The following VPS13C variants were observed in gnomAD, a reference collection of about 807,000 sequenced individuals.
VPS13C encodes the protein vacuolar protein sorting 13 homolog C.
A neutral mutation model predicts 456.8 loss-of-function variants in VPS13C; 358 were observed. That is an observed-to-expected ratio of 0.78 (90% CI 0.72 to 0.86). The LOEUF (loss-of-function observed/expected upper bound fraction) is 0.86. Ranked by LOEUF, VPS13C falls within the 40% of genes least tolerant of loss-of-function variation. VPS13C has a pLI of 0.00. For synonymous variants in VPS13C, 1,578 were observed against 1,486.7 expected (o/e 1.06, Z -1.41); for missense variants, 4,818 against 4,385.4 (o/e 1.10, Z -2.79).
At chr15:62,000,312 C>T (rs932490497) in intron 16 of VPS13C, among the ~76,000 whole-genome samples, 7 of 152,160 alleles carry the variant, frequency 4.6e-5, no homozygotes, top group East Asian at 1.9e-4. Context: ...CTGCAGCGAG[C>T]CAAGATCACG....
In VPS13C at chr15:62,013,223, C is replaced by T. The variant is rs974513532; in HGVS notation, c.745-104G>A. 4 of 671,624 alleles carry T rather than the reference C, an allele frequency of 6.0e-6. No individual in the cohort carries two copies. In the Admixed American group the frequency reaches 1.4e-4, roughly 24 times the overall value. 41.6% of individuals were successfully genotyped at this position (671,624 alleles called of 1,614,324 possible). A position where few individuals can be genotyped will look rare whatever the true frequency, so the allele number is the denominator to read the frequency against. ...TCACCACTCCAAAATTACCCAAATGCCATTTTGAATTTTTAAAGGAAAGAA... is the reference window on the plus strand; with the variant it reads ...TCACCACTCCAAAATTACCCAAATGTCATTTTGAATTTTTAAAGGAAAGAA... On this transcript the variant is annotated intron_variant, in intron 10 of 84. Transcript: ENST00000644861.
intron 66 of VPS13C, among the ~76,000 whole-genome samples, chr15:61,900,809 C>G (rs1390141505): frequency 6.6e-6 from 1 of 151,796 alleles, no homozygotes; most frequent in Non-Finnish European, 1.5e-5. Context: ...CAAGTCAATC[C>G]TAAGCCAAAA....
intron 43 of VPS13C, 81 bp downstream of exon 43, chr15:61,947,112 G>C (rs1037591672): frequency 1.1e-6 from 1 of 897,136 alleles, no homozygotes; most frequent in Non-Finnish European, 1.7e-6. Context: ...GAAAACTCAT[G>C]AGAAATCTAA....
chr15:61,947,142 C>A (rs1318665275), intron 43 of VPS13C, 51 bp downstream of exon 43: 6 of 1,217,174 alleles, frequency 4.9e-6, no homozygotes, highest in Non-Finnish European at 6.9e-6. Flanking sequence ...GCTCATTTTT[C>A]CTAGTTATGT....
rs559152214 is a variant in VPS13C, at chr15:61,922,380, A to C, written c.6975+17T>G. 18 of 1,596,836 alleles carry C rather than the reference A, an allele frequency of 1.1e-5. No individual in the cohort carries two copies. Among genetic ancestry groups the C allele is most frequent in the East Asian group, 6.7e-5 (3 of 44,782 alleles). On this transcript the variant is annotated intron_variant, in intron 54 of 84. Transcript: ENST00000644861. ...CTTTCAAGAAGTCTCTGAAGGTATT[A>C]AGTGATGTGGCCATACCTGTAGTGT...
intron 37 of VPS13C, among the ~76,000 whole-genome samples, 180 bp from the exon 38 acceptor site, chr15:61,954,734 A>C (rs1483764189): frequency 6.6e-6 from 1 of 152,098 alleles, no homozygotes; most frequent in East Asian, 1.9e-4. Context: ...TTTAAAATAC[A>C]AACAAACAAG....
intron 43 of VPS13C, 119 bp downstream of exon 43, chr15:61,947,074 C>T (rs1170169953): frequency 1.3e-5 from 8 of 638,446 alleles, no homozygotes; most frequent in African/African-American, 1.9e-5. Flanking sequence ...GAAAAGTTTG[C>T]AAAGTCTTCA....
rs1299399768 is a variant in VPS13C at position 61,961,909 on chromosome 15, A to G, written c.3604-16T>C. 1.3e-6 allele frequency: 2 copies of G among 1,592,080 alleles called. No homozygotes were observed. Among genetic ancestry groups the G allele is most frequent in the East Asian group, 4.5e-5 (2 of 44,744 alleles). On this transcript the variant is annotated splice_polypyrimidine_tract_variant and intron_variant, in intron 34 of 84. Transcript: ENST00000644861. ...TCAGGAAGTTCTGTGGACACAAAGCATAAAAAGAGAAATTCAAAGAGAATA... is the reference window on the plus strand; with the variant it reads ...TCAGGAAGTTCTGTGGACACAAAGCGTAAAAAGAGAAATTCAAAGAGAATA...
chr15:61,888,538 C>T (rs992541822), intron 67 of VPS13C, among the ~76,000 whole-genome samples: 1 of 152,016 alleles, frequency 6.6e-6, no homozygotes, highest in Non-Finnish European at 1.5e-5. Flanking sequence ...AATGAGCTGT[C>T]AAGCCATGAA....
intron 6 of VPS13C, among the ~76,000 whole-genome samples, chr15:62,026,780 T>C (rs750701107): frequency 2.0e-5 from 3 of 152,226 alleles, no homozygotes; most frequent in Non-Finnish European, 2.9e-5. Context: ...GGTTGAAGTT[T>C]ATTAAAATTT....
chr15:61,895,354 T>TA (rs1465054458), intron 66 of VPS13C, among the ~76,000 whole-genome samples: 1 of 151,420 alleles, frequency 6.6e-6, no homozygotes, highest in Non-Finnish European at 1.5e-5. Context: ...GAAAAAATAA[T>TA]AAAGATCAGA....
intron 1 of VPS13C, among the ~76,000 whole-genome samples, chr15:62,058,025 T>A (rs939130136): frequency 1.3e-5 from 2 of 152,226 alleles, no homozygotes; most frequent in Non-Finnish European, 2.9e-5. Flanking sequence ...TATTATAACA[T>A]TGAAATATGA....
Position 61,982,503 on chromosome 15 carries a change from G to A in VPS13C, c.1985C>T (p.Ala662Val), listed in dbSNP as rs1466930433. The change falls in exon 21 of 85, where the codon GCA becomes GTA. Residue 662 changes from alanine to valine, a missense_variant. Physicochemically the swap from Ala to Val is moderately conservative, Grantham distance 64. This residue lies in a region of VPS13C where 4,552 missense variants were observed against 4,130.6 expected (regional missense o/e 1.10). Transcript: ENST00000644861. ...AATTTCTTCCAGCTTCATCAATGTT[G>A]CTGATGTTATTTGCTCAAGATCCAA... ...KGLDLEQITS[A>V]TLMKLEEIKE... 2.5e-6 allele frequency: 4 copies of A among 1,609,108 alleles called. No individual in the cohort carries two copies. The African/African-American group carries it at 4.0e-5, about 16-fold the overall frequency.
At position 62,010,687 on chromosome 15, in the gene VPS13C, G is replaced by C. The variant is rs12916410; in HGVS notation, c.884-88C>G. ...TAATTATGAGAACACTGTTACTCTAGAAGTAAAGAAAAATGATCAAAAATG... is the reference window on the plus strand; with the variant it reads ...TAATTATGAGAACACTGTTACTCTACAAGTAAAGAAAAATGATCAAAAATG... On this transcript the variant is annotated intron_variant, in intron 12 of 84. Transcript: ENST00000644861. 93,187 of 1,266,890 alleles carry C rather than the reference G, an allele frequency of 0.074. 3,627 individuals carry two copies. Among genetic ancestry groups the C allele is most frequent in the Middle Eastern group, 0.083 (406 of 4,882 alleles). 78.5% of individuals were successfully genotyped at this position (1,266,890 alleles called of 1,614,324 possible). A position where few individuals can be genotyped will look rare whatever the true frequency, so the allele number is the denominator to read the frequency against.
intron 18 of VPS13C, among the ~76,000 whole-genome samples, chr15:61,990,167 A>T (rs533154038): frequency 5.6e-4 from 86 of 152,320 alleles, no homozygotes; most frequent in Non-Finnish European, 9.3e-4. Flanking sequence ...AAGATTAAAA[A>T]TATGCAAAAC....
intron 18 of VPS13C, among the ~76,000 whole-genome samples, chr15:61,986,738 T>C (rs2140405273): frequency 6.6e-6 from 1 of 151,524 alleles, no homozygotes; most frequent in East Asian, 1.9e-4. Context: ...AATAGAAAAA[T>C]GAGAGAGATG....
At chr15:62,004,025 CTGG>C (rs1156816196) in intron 15 of VPS13C, among the ~76,000 whole-genome samples, 1 of 144,538 alleles carries the variant, frequency 6.9e-6, no homozygotes, top group East Asian at 2.2e-4. Context: ...CAGGATGATG[CTGG>C]ACTCATAAAA....
chr15:61,898,010 T>A (rs564038470), intron 66 of VPS13C, among the ~76,000 whole-genome samples: 99 of 152,176 alleles, frequency 6.5e-4, no homozygotes, highest in African/African-American at 2.3e-3. Context: ...CTAAGCTTCA[T>A]AAGTGAACGA....
chr15:61,862,853 A>AT (rs1468422267), intron 82 of VPS13C, among the ~76,000 whole-genome samples: 1 of 152,132 alleles, frequency 6.6e-6, no homozygotes, highest in Admixed American at 6.5e-5. Flanking sequence ...TACTCTTATA[A>AT]AGCTCAACAC....
Sources: gnomAD v4.1 joint callset for allele counts (sites outside exome capture counted in the v4.1 genomes callset) on GRCh38, gnomAD v4.1.1 for gene constraint, gnomAD v4.1.1 regional missense constraint, MANE v1.5 for transcripts, NCBI Gene and HGNC (gene_info 2026-07-23, HGNC 2026-07-21) for gene names.